ANK2: variants seen among roughly 807,000 people sequenced by gnomAD.
ANK2 encodes ankyrin-2.
ANK2 carries 83 observed loss-of-function variants against 360.5 expected under a neutral mutation model. The ratio of observed to expected loss-of-function variants is 0.23; its 90% CI spans 0.19 to 0.28. ANK2 has a LOEUF of 0.28. Among genes scored for constraint, ANK2 ranks in the 10% least tolerant of loss-of-function variants. ANK2 has a pLI of 1.00. For synonymous variants in ANK2, 1,740 were observed against 1,759.5 expected (o/e 0.99, Z 0.28); for missense variants, 4,201 against 4,795.7 (o/e 0.88, Z 3.66).
intron 2 of ANK2, among the ~76,000 whole-genome samples, chr4:112,983,505 T>C (rs1003430590): frequency 6.6e-6 from 1 of 151,872 alleles, no homozygotes; most frequent in Non-Finnish European, 1.5e-5. Flanking sequence ...GGAGAAACCC[T>C]GTCTCTACTA....
Position 113,367,746 on chromosome 4 carries a change from C to G in ANK2, c.11213C>G (p.Thr3738Arg), listed in dbSNP as rs1327836292. 5 of 1,613,660 alleles carry G rather than the reference C, an allele frequency of 3.1e-6. No homozygotes were observed. Among genetic ancestry groups the G allele is most frequent in the Non-Finnish European group, 4.2e-6 (5 of 1,179,890 alleles). The change falls in exon 42 of 46, where the codon ACA becomes AGA. Residue 3738 changes from threonine (T) to arginine (R), a missense_variant. By Grantham distance (71) the Thr-to-Arg change is moderately conservative. Coordinates refer to ENST00000357077, the MANE Select transcript of ANK2 (RefSeq NM_001148.6). ...VPKTEGDSSATALFPQTHKEQ... is the reference protein window; with the variant it reads ...VPKTEGDSSARALFPQTHKEQ... ...AAAACTGAGGGGGACAGCTCAGCAA[C>G]AGCACTCTTTCCCCAAACTCACAAG...
chr4:113,269,169 G>T (rs2153670029), intron 14 of ANK2, among the ~76,000 whole-genome samples: 1 of 152,316 alleles, frequency 6.6e-6, no homozygotes, highest in South Asian at 2.1e-4. Context: ...CTGCTGTGCT[G>T]GCAGCGAGAA....
chr4:112,827,165 AC>A, intron 1 of ANK2: 1 of 1,164,538 alleles, frequency 8.6e-7, no homozygotes, highest in Non-Finnish European at 1.3e-6. Flanking sequence ...AGTGAAAATT[AC>A]ATCCTGTGTA....
At chr4:113,285,839 T>C (rs1054325583) in intron 18 of ANK2, among the ~76,000 whole-genome samples, 1 of 152,168 alleles carries the variant, frequency 6.6e-6, no homozygotes, top group East Asian at 1.9e-4. Flanking sequence ...GTGGGAGATA[T>C]TTTGTTTCCT....
chr4:113,011,595 G>T (rs1030893891), intron 2 of ANK2, among the ~76,000 whole-genome samples: 1 of 152,042 alleles, frequency 6.6e-6, no homozygotes, highest in African/African-American at 2.4e-5. Context: ...ATAAGGGATA[G>T]TTTAACAAGG....
At chr4:113,098,623 A>G (rs536396511) in intron 1 of ANK2, among the ~76,000 whole-genome samples, 2 of 152,156 alleles carry the variant, frequency 1.3e-5, no homozygotes, top group Non-Finnish European at 2.9e-5. Flanking sequence ...GGAAGATATG[A>G]TAACAATTCT....
Position 113,358,486 on chromosome 4 carries a change from G to A in ANK2, c.9868G>A (p.Ala3290Thr). ...EQKSVIEIPT[A>T]PMENVPFTES... ...GAAATCAGTAATCGAGATTCCTACT[G>A]CACCCATGGAGAATGTGCCTTTTAC... Residue 3290 changes from alanine to threonine, a missense_variant, in exon 38 of 46, where the codon GCA becomes ACA. By Grantham distance (58) the Ala-to-Thr change is moderately conservative. Transcript: ENST00000357077. 6.2e-7 allele frequency: 1 copy of A among 1,614,046 alleles called. No homozygotes were observed. The highest frequency in any genetic ancestry group is 2.2e-5 in the East Asian group (1 of 44,878).
chr4:113,006,294 T>C lies in ANK2; in HGVS notation c.21+101780T>C, dbSNP rs548802561. On this transcript the variant is annotated intron_variant, in intron 2 of 30. Transcript: ENST00000503271. ...TACCTCATAAATACATAAATTATTA[T>C]ATATCAATAAAAGGAGGGAAAAGCT... 1.6e-3 allele frequency among the ~76,000 whole-genome samples: 240 copies of C among 152,194 alleles called. 1 individual carries two copies. The highest frequency in any genetic ancestry group is 5.5e-3 in the African/African-American group (230 of 41,508).
At chr4:113,373,063 A>G in intron 43 of ANK2, 27 bp from the exon 44 acceptor site, 2 of 1,595,948 alleles carry the variant, frequency 1.3e-6, no homozygotes, top group Non-Finnish European at 1.7e-6. Flanking sequence ...CAAACACCAC[A>G]GTGACCCTTT....
At chr4:112,831,498 C>G (rs1311417300) in intron 1 of ANK2, among the ~76,000 whole-genome samples, 1 of 152,148 alleles carries the variant, frequency 6.6e-6, no homozygotes, top group Admixed American at 6.5e-5. Flanking sequence ...AATCAGCACC[C>G]TGTGTCTAGC....
At chr4:113,115,486 G>A (rs953200688) in intron 1 of ANK2, among the ~76,000 whole-genome samples, 2 of 152,094 alleles carry the variant, frequency 1.3e-5, no homozygotes, top group Admixed American at 6.6e-5. Context: ...CCATGCCATG[G>A]TGATTACTGT....
At position 113,051,756 on chromosome 4, in the gene ANK2, A is replaced by G. The variant is rs144222731; in HGVS notation, c.84+1944A>G. ...TAATTTTGTGTGTTTGGAGCACATC[A>G]TTTAATTTCTCATTTAATGAATCCA... is the stretch of plus-strand genomic sequence containing the variant. On this transcript the variant is annotated intron_variant, in intron 1 of 45. Transcript: ENST00000357077. Among the ~76,000 whole-genome samples the G allele has an allele frequency of 3.5e-4, 53 of 152,288 alleles. No homozygotes were observed. In the East Asian group the frequency reaches 8.7e-3, roughly 25 times the overall value.
In ANK2 at chr4:113,057,627, A is replaced by AT. The variant is rs764847446; in HGVS notation, c.84+7819dup. ...TATATATATATATGTTTAATCACTC[A>AT]TTTTACCTGTGAAAATTTGCCCCAT... On this transcript the variant is annotated intron_variant, in intron 1 of 45. Transcript: ENST00000357077. 5.9e-5 allele frequency among the ~76,000 whole-genome samples: 9 copies of AT among 152,152 alleles called. No homozygotes were observed. In the South Asian group the frequency reaches 1.9e-3, roughly 32 times the overall value.
At chr4:113,131,806 C>T (rs771160214) in intron 1 of ANK2, among the ~76,000 whole-genome samples, 1 of 152,196 alleles carries the variant, frequency 6.6e-6, no homozygotes, top group South Asian at 2.1e-4. Context: ...CTTTGTGATT[C>T]CACATATCCT....
intron 4 of ANK2, among the ~76,000 whole-genome samples, chr4:113,221,952 C>A (rs1170925790): frequency 6.6e-6 from 1 of 152,174 alleles, no homozygotes; most frequent in African/African-American, 2.4e-5. Flanking sequence ...GCTGTTAAAA[C>A]ACATGGCAGA....
At chr4:112,916,001 G>A (rs1262210275) in intron 2 of ANK2, among the ~76,000 whole-genome samples, 1 of 151,884 alleles carries the variant, frequency 6.6e-6, no homozygotes, top group Non-Finnish European at 1.5e-5. Context: ...GTAACTCTTT[G>A]GTGTTTTTAA....
chr4:113,128,768 C>T (rs193122971), intron 1 of ANK2, among the ~76,000 whole-genome samples: 73 of 152,192 alleles, frequency 4.8e-4, no homozygotes, highest in African/African-American at 1.7e-3. Context: ...GGATTACAGG[C>T]GTGAGCCACC....
chr4:113,024,463 C>T (rs1191231175), intron 2 of ANK2, among the ~76,000 whole-genome samples: 1 of 152,064 alleles, frequency 6.6e-6, no homozygotes, highest in East Asian at 1.9e-4. Context: ...CCTTGATCTA[C>T]AAAAATAAAC....
intron 1 of ANK2, among the ~76,000 whole-genome samples, chr4:112,870,887 A>T (rs1356631221): frequency 2.6e-5 from 4 of 152,210 alleles, no homozygotes; most frequent in African/African-American, 9.6e-5. Flanking sequence ...TAGTATTGCC[A>T]ATACAATATG....
Sources: gnomAD v4.1 joint callset for allele counts (sites outside exome capture counted in the v4.1 genomes callset) on GRCh38, gnomAD v4.1.1 for gene constraint, MANE v1.5 for transcripts, NCBI Gene and HGNC (gene_info 2026-07-23, HGNC 2026-07-21) for gene names.